The following UPRT variants were observed in gnomAD, a reference collection of about 807,000 sequenced individuals.
UPRT encodes RP11-311P8.3.
A neutral mutation model predicts 22.6 loss-of-function variants in UPRT; 5 were observed. The ratio of observed to expected loss-of-function variants is 0.22; its 90% confidence interval spans 0.12 to 0.47. The LOEUF is 0.47. UPRT is among the 20% of genes least tolerant of loss of function. UPRT has a pLI of 0.99. For missense variants in UPRT, 181 were observed against 239.9 expected (o/e 0.75, Z 1.62); for synonymous variants, 77 against 87.7 (o/e 0.88, Z 0.68).
intron 4 of UPRT, among the ~76,000 whole-genome samples, chrX:75,213,886 T>G (rs2082386009): frequency 8.9e-6 from 1 of 112,046 alleles, no homozygotes; most frequent in African/African-American, 3.2e-5. Context: ...AGTTGGAGAC[T>G]TTAACATGTC....
intron 1 of UPRT, among the ~76,000 whole-genome samples, chrX:75,159,589 C>T (rs2082192857): frequency 9.0e-6 from 1 of 111,219 alleles, no homozygotes; most frequent in Admixed American, 9.6e-5. Flanking sequence ...TTCATATGCA[C>T]ATTCAAGTCT....
In UPRT at chrX:75,156,897, T is replaced by TCG. The variant is rs1491422114; in HGVS notation, c.-737+348_-737+349insGC. Among the ~76,000 whole-genome samples, 3 of 41,962 alleles carry TCG rather than the reference T, an allele frequency of 7.1e-5. No homozygotes were observed. The South Asian group carries it at 3.1e-3, about 44-fold the overall frequency. 36.4% of individuals were successfully genotyped at this position (41,962 alleles called of 115,157 possible). On this transcript the variant is annotated intron_variant, in intron 1 of 13. Transcript: ENST00000652605. ...CTTTGGTCTGTTGCTCGTGGGACAG[T>TCG]CTCACACACACACACACACACACAC...
intron 4 of UPRT, among the ~76,000 whole-genome samples, chrX:75,258,814 A>G (rs2082558078): frequency 8.9e-6 from 1 of 111,973 alleles, no homozygotes; most frequent in Non-Finnish European, 1.9e-5. Context: ...ACCCCCATGT[A>G]TCCTGACTGG....
chrX:75,226,497 G>T lies in UPRT; in HGVS notation c.-447+58618G>T, dbSNP rs1410278252. ...CTCTATGATCTTATCTGCTATTACT[G>T]TTTTCCCTCAACCACTCAGCTCCAT... On this transcript the variant is annotated intron_variant, in intron 4 of 13. Transcript: ENST00000652605. Among the ~76,000 whole-genome samples the T allele has an allele frequency of 2.7e-5, 3 of 111,748 alleles. No individual in the cohort carries two copies. The Admixed American group carries it at 2.9e-4, about 11-fold the overall frequency.
chrX:75,236,680 G>C (rs1329653933), intron 4 of UPRT, among the ~76,000 whole-genome samples: 1 of 112,149 alleles, frequency 8.9e-6, no homozygotes, highest in Non-Finnish European at 1.9e-5. Context: ...ACAAACCTGA[G>C]AAAAACAAGC....
At chrX:75,255,962 A>G (rs949264991) in intron 4 of UPRT, among the ~76,000 whole-genome samples, 1 of 112,095 alleles carries the variant, frequency 8.9e-6, no homozygotes, top group Non-Finnish European at 1.9e-5. Flanking sequence ...TCATCAAGAC[A>G]GAAAGTCAAC....
chrX:75,219,772 T>A (rs1453814597), intron 4 of UPRT, among the ~76,000 whole-genome samples: 5 of 111,433 alleles, frequency 4.5e-5, no homozygotes, highest in Non-Finnish European at 9.4e-5. Flanking sequence ...CAATAATAGC[T>A]GGAGAATTCA....
intron 1 of UPRT, chrX:75,291,535 G>T (rs1470160065): frequency 1.0e-4 from 22 of 218,334 alleles, no homozygotes; most frequent in Non-Finnish European, 1.2e-4. Flanking sequence ...GAGCCTCAGA[G>T]AATACATGCA....
intron 4 of UPRT, among the ~76,000 whole-genome samples, chrX:75,182,422 G>T (rs1176697580): frequency 1.8e-5 from 2 of 111,686 alleles, no homozygotes; most frequent in Non-Finnish European, 3.8e-5. Context: ...AATAGTTTTA[G>T]TTGAAATGGT....
Position 75,255,980 on chromosome X carries a change from C to A in UPRT, c.-446-35044C>A, listed in dbSNP as rs767606610. Among the ~76,000 whole-genome samples the A allele has an allele frequency of 2.7e-5, 3 of 111,846 alleles. No individual in the cohort carries two copies. In the South Asian group the frequency reaches 1.1e-3, roughly 42 times the overall value. The stretch of plus-strand genomic sequence containing the variant: ...TCAAGACAGAAAGTCAACAAATAAA[C>A]AATGGATTTAAACTGTACTCTGGAG... On this transcript the variant is annotated intron_variant, in intron 4 of 13. Transcript: ENST00000652605.
intron 4 of UPRT, among the ~76,000 whole-genome samples, chrX:75,232,830 T>A (rs1238473474): frequency 6.3e-5 from 7 of 110,877 alleles, no homozygotes; most frequent in African/African-American, 9.8e-5. Context: ...ACCACAAAGA[T>A]GGGGAAAAAA....
chrX:75,169,308 C>T (rs2082220638), intron 4 of UPRT, among the ~76,000 whole-genome samples: 1 of 112,091 alleles, frequency 8.9e-6, no homozygotes, highest in Admixed American at 9.5e-5. Flanking sequence ...AGTAAGATTG[C>T]TGGATCAAAT....
intron 2 of UPRT, among the ~76,000 whole-genome samples, chrX:75,162,140 G>A (rs867306151): frequency 1.7e-4 from 18 of 103,905 alleles, no homozygotes; most frequent in African/African-American, 5.3e-4. Flanking sequence ...TAGTAGAGAC[G>A]GGGGTCTTAC....
chrX:75,187,066 T>C (rs760945309), intron 4 of UPRT, among the ~76,000 whole-genome samples: 1,352 of 111,456 alleles, frequency 0.012, 16 homozygotes, highest in African/African-American at 0.042. Flanking sequence ...CCTGTCATTG[T>C]GATGTTAGCT....
intron 4 of UPRT, among the ~76,000 whole-genome samples, chrX:75,252,968 C>A (rs926353849): frequency 2.2e-4 from 24 of 111,110 alleles, no homozygotes; most frequent in African/African-American, 6.6e-4. Flanking sequence ...CACATGTTGT[C>A]ACTCATAGGT....
intron 4 of UPRT, among the ~76,000 whole-genome samples, chrX:75,188,862 A>G (rs2082304867): frequency 1.8e-5 from 2 of 111,765 alleles, no homozygotes; most frequent in Admixed American, 1.9e-4. Context: ...GAGTGAGGCA[A>G]TGCCTCACCC....
chrX:75,159,619 C>T (rs143888019), intron 1 of UPRT, among the ~76,000 whole-genome samples: 4 of 111,287 alleles, frequency 3.6e-5, no homozygotes, highest in African/African-American at 9.8e-5. Context: ...TTTTAGAGCA[C>T]GTATCACTTT....
In UPRT at chrX:75,274,273, T is replaced by C; in HGVS notation, c.19T>C (p.Cys7Arg). The C allele has an allele frequency of 2.5e-6, 3 of 1,206,999 alleles. No individual in the cohort carries two copies. The highest frequency in any genetic ancestry group is 3.6e-5 in the South Asian group (2 of 56,180). ...CCGGTGTATGGCCACGGAGTTACAG[T>C]GTCCGGACTCCATGCCCTGTCACAA... MATELQ[C>R]PDSMPCHNQQ... Residue 7 changes from cysteine (C) to arginine (R), a missense_variant, in exon 1 of 7, where the codon TGT becomes CGT. Physicochemically the swap from Cys to Arg is radical, Grantham distance 180. Coordinates refer to ENST00000373383, the MANE Select transcript of UPRT (RefSeq NM_145052.4).
At chrX:75,291,211 A>G (rs1246584583) in intron 1 of UPRT, among the ~76,000 whole-genome samples, 1 of 111,617 alleles carries the variant, frequency 9.0e-6, no homozygotes, top group Non-Finnish European at 1.9e-5. Flanking sequence ...AGATATCTAT[A>G]CTTTGGATTA....
Sources: allele counts gnomAD v4.1 joint callset (sites outside exome capture counted in the v4.1 genomes callset), GRCh38; gene constraint gnomAD v4.1.1; transcripts MANE v1.5; gene names NCBI Gene and HGNC (gene_info 2026-07-23, HGNC 2026-07-21).